EVI5L: variants seen among roughly 807,000 people sequenced by gnomAD.
The protein encoded by EVI5L is ecotropic viral integration site 5 like.
Under a neutral mutation model 106.1 loss-of-function variants are expected in EVI5L, and 30 were observed. The ratio of observed to expected loss-of-function variants is 0.28; its 90% CI spans 0.21 to 0.38. The LOEUF is 0.38. Ranked by LOEUF, EVI5L falls within the 10% of genes least tolerant of loss-of-function variation. The pLI, the probability that EVI5L is intolerant of heterozygous loss-of-function variation, is 1.00. For missense variants in EVI5L, 809 were observed against 1,098.0 expected (o/e 0.74, Z 3.72); for synonymous variants, 489 against 483.3 (o/e 1.01, Z -0.15).
In EVI5L at chr19:7,848,076, G is replaced by A. The variant is rs545076372; in HGVS notation, c.327+155G>A. 2.0e-5 allele frequency among the ~76,000 whole-genome samples: 3 copies of A among 152,338 alleles called. No homozygotes were observed. In the South Asian group the frequency reaches 6.2e-4, roughly 32 times the overall value. On this transcript the variant is annotated intron_variant, in intron 3 of 19. Transcript: ENST00000538904. This position sits in a 1 kb window ranked among gnomAD's most constrained non-coding sequence, Gnocchi z 4.8. Reference sequence around the variant, plus strand: ...GGCACTTTCAGGGTGTCCTGCCAGAGCACAGGGACAGGAGAGAGTGAGTCA... The same window carrying A: ...GGCACTTTCAGGGTGTCCTGCCAGAACACAGGGACAGGAGAGAGTGAGTCA...
chr19:7,851,520 C>G lies in EVI5L; in HGVS notation c.840C>G (p.Phe280Leu). 1 of 1,613,386 alleles carries G rather than the reference C, an allele frequency of 6.2e-7. No homozygotes were observed. The highest frequency in any genetic ancestry group is 8.5e-7 in the Non-Finnish European group (1 of 1,179,722). The stretch of plus-strand genomic sequence containing the variant: ...CCTCGTCCTGGTTCCTCACACTGTT[C>G]CTGACCACCTTCCCACTCCCCGTCG... Reference protein sequence around the residue: ...MYASSWFLTLFLTTFPLPVAT... With the variant: ...MYASSWFLTLLLTTFPLPVAT... Residue 280 changes from phenylalanine (F) to leucine (L), a missense_variant, in exon 7 of 20, where the codon TTC (phenylalanine) becomes TTG (leucine). Phe to Leu is a conservative substitution (Grantham distance 22, BLOSUM62 0). This residue lies in a region of EVI5L where 357 missense variants were observed against 588.1 expected (regional missense o/e 0.61). Coordinates refer to ENST00000538904, the MANE Select transcript of EVI5L (RefSeq NM_001159944.3).
intron 10 of EVI5L, among the ~76,000 whole-genome samples, chr19:7,855,695 C>T (rs1210392617): frequency 6.6e-6 from 1 of 152,218 alleles, no homozygotes; most frequent in African/African-American, 2.4e-5. Context: ...CAGACTGACC[C>T]ACGTGTGGGA....
intron 1 of EVI5L, among the ~76,000 whole-genome samples, chr19:7,839,673 C>T (rs1162078844): frequency 1.3e-5 from 2 of 152,014 alleles, no homozygotes; most frequent in South Asian, 2.1e-4. Flanking sequence ...CCTGTGATCC[C>T]AGCACTCTGG....
At position 7,832,103 on chromosome 19, in the gene EVI5L, C is replaced by T. The variant is rs979083129; in HGVS notation, c.-48+1722C>T. On this transcript the variant is annotated intron_variant, in intron 1 of 19. Coordinates refer to ENST00000538904, the MANE Select transcript of EVI5L (RefSeq NM_001159944.3). Reference sequence around the variant, plus strand: ...CTGTGTCTTTCCGTCTTTTGTGGCTCTTCCCATCCATCCCGCCGCCCTCCC... The same window carrying T: ...CTGTGTCTTTCCGTCTTTTGTGGCTTTTCCCATCCATCCCGCCGCCCTCCC... Among the ~76,000 whole-genome samples the T allele has an allele frequency of 3.9e-5, 6 of 152,196 alleles. No individual in the cohort carries two copies. The East Asian group carries it at 9.6e-4, about 24-fold the overall frequency.
chr19:7,853,118 C>T lies in EVI5L; in HGVS notation c.1020C>T (p.Asp340=), dbSNP rs150896280. 173 of 1,613,988 alleles carry T rather than the reference C, an allele frequency of 1.1e-4. No individual in the cohort carries two copies. In the African/African-American group the frequency reaches 2.1e-3, roughly 19 times the overall value. ...YFQRVIPHQF[D]SCPDKLVLKA... Reference sequence around the variant, plus strand: ...AGAGAGTGATCCCCCACCAGTTCGACAGCTGCCCGGACAAGCTGGTCCTCA... The same window carrying T: ...AGAGAGTGATCCCCCACCAGTTCGATAGCTGCCCGGACAAGCTGGTCCTCA... Residue 340 remains aspartate, a synonymous_variant, in exon 9 of 20, where the codon GAC becomes GAT. Coordinates refer to ENST00000538904, the MANE Select transcript of EVI5L (RefSeq NM_001159944.3).
intron 17 of EVI5L, 54 bp from the exon 18 acceptor site, chr19:7,862,918 G>T: frequency 7.7e-7 from 1 of 1,293,900 alleles, no homozygotes; most frequent in Non-Finnish European, 1.1e-6. Context: ...CCCGCCCCCT[G>T]ATGCGCCGCG....
Position 7,848,539 on chromosome 19 carries a change from A to G in EVI5L, c.328-382A>G, listed in dbSNP as rs1056190717. On this transcript the variant is annotated intron_variant, in intron 3 of 19. Coordinates refer to ENST00000538904, the MANE Select transcript of EVI5L (RefSeq NM_001159944.3). This position sits in a 1 kb window ranked among gnomAD's most constrained non-coding sequence, Gnocchi z 4.8. The stretch of plus-strand genomic sequence containing the variant: ...TTGAACCTGGGAGGCAAGAGGTAGC[A>G]GTGAGCCAAGATCACGCCACTGCAC... 5.9e-5 allele frequency among the ~76,000 whole-genome samples: 9 copies of G among 151,980 alleles called. No individual in the cohort carries two copies. Among genetic ancestry groups the G allele is most frequent in the African/African-American group, 2.2e-4 (9 of 41,342 alleles).
chr19:7,843,583 C>T (rs888442281), intron 1 of EVI5L, among the ~76,000 whole-genome samples: 2 of 121,330 alleles, frequency 1.6e-5, no homozygotes, highest in African/African-American at 6.3e-5. Flanking sequence ...TGAGAATAGG[C>T]ATGGGTGTGT....
rs1000305067 is a variant in EVI5L at position 7,863,154 on chromosome 19, C to CT, written c.2044-30dup. Reference sequence around the variant, plus strand: ...GCCGGACCCCAGGCCCAGCATGGCACTGGCCCCGCGTGACCTGGCGCACCC... The same window carrying CT: ...GCCGGACCCCAGGCCCAGCATGGCACTTGGCCCCGCGTGACCTGGCGCACCC... On this transcript the variant is annotated intron_variant, in intron 18 of 19. Coordinates refer to ENST00000538904, the MANE Select transcript of EVI5L (RefSeq NM_001159944.3). The surrounding 1 kb of genome is among the most constrained non-coding windows in gnomAD (Gnocchi z 7.7). 6.5e-7 allele frequency: 1 copy of CT among 1,546,680 alleles called. No individual in the cohort carries two copies. The highest frequency in any genetic ancestry group is 8.7e-7 in the Non-Finnish European group (1 of 1,145,684).
At chr19:7,854,365 G>A (rs1979426709) in intron 10 of EVI5L, among the ~76,000 whole-genome samples, 1 of 152,056 alleles carries the variant, frequency 6.6e-6, no homozygotes, top group African/African-American at 2.4e-5. Flanking sequence ...GAGACTGAGG[G>A]CGCACCAGTG....
chr19:7,833,141 G>A (rs1018837995), intron 1 of EVI5L, among the ~76,000 whole-genome samples: 8 of 152,202 alleles, frequency 5.3e-5, no homozygotes, highest in African/African-American at 1.9e-4. Flanking sequence ...TCGTGGAGCT[G>A]CATCTTTGTT....
At chr19:7,855,982 G>C in intron 10 of EVI5L, 33 bp from the exon 11 acceptor site, 8 of 1,321,218 alleles carry the variant, frequency 6.1e-6, no homozygotes, top group Non-Finnish European at 7.8e-6. Flanking sequence ...CGTGGGGGGC[G>C]GGCTATGACG....
Position 7,857,511 on chromosome 19 carries a change from C to T in EVI5L, c.1233+387C>T, listed in dbSNP as rs1979589480. On this transcript the variant is annotated intron_variant, in intron 12 of 19. Coordinates refer to ENST00000538904, the MANE Select transcript of EVI5L (RefSeq NM_001159944.3). This position sits in a 1 kb window ranked among gnomAD's most constrained non-coding sequence, Gnocchi z 4.5. The stretch of plus-strand genomic sequence containing the variant: ...ACACATGCACACACACACACGCACA[C>T]ACACGCCCGGCCCTCACGCTGCTGC... 2 of 359,360 alleles carry T rather than the reference C, an allele frequency of 5.6e-6. No individual in the cohort carries two copies. The highest frequency in any genetic ancestry group is 3.0e-5 in the South Asian group (1 of 32,842). The allele number at this position is 359,360 out of a possible 1,614,324, so 22.3% of individuals were successfully genotyped here.
chr19:7,856,833 C>A lies in EVI5L; in HGVS notation c.1201-259C>A. On this transcript the variant is annotated intron_variant, in intron 11 of 19. Coordinates refer to ENST00000538904, the MANE Select transcript of EVI5L (RefSeq NM_001159944.3). This position sits in a 1 kb window ranked among gnomAD's most constrained non-coding sequence, Gnocchi z 6.6. Reference sequence around the variant, plus strand: ...TGGGACAGTGGGTTTCCCAGCCCTGCGGCCTCCCCCACAGCCGCGGGCACC... The same window carrying A: ...TGGGACAGTGGGTTTCCCAGCCCTGAGGCCTCCCCCACAGCCGCGGGCACC... 1.5e-6 allele frequency: 1 copy of A among 666,560 alleles called. No individual in the cohort carries two copies. 41.3% of individuals were successfully genotyped at this position (666,560 alleles called of 1,614,324 possible). A position where few individuals can be genotyped will look rare whatever the true frequency, so the allele number is the denominator to read the frequency against.
chr19:7,863,904 C>A lies in EVI5L; in HGVS notation c.*202C>A. ...CAGGGCCCCGGGGCAGGCTCTCTAT[C>A]CCCAGCAGTGTTTACCCATCTTGGT... On this transcript the variant is annotated 3_prime_UTR_variant, in exon 20 of 20. Transcript: ENST00000538904. The surrounding 1 kb of genome is among the most constrained non-coding windows in gnomAD (Gnocchi z 7.7). The A allele has an allele frequency of 1.5e-6, 1 of 645,696 alleles. No homozygotes were observed. Among genetic ancestry groups the A allele is most frequent in the South Asian group, 2.4e-5 (1 of 42,050 alleles). The allele number at this position is 645,696 out of a possible 1,614,324, so 40.0% of individuals were successfully genotyped here.
intron 1 of EVI5L, among the ~76,000 whole-genome samples, chr19:7,842,699 AGT>A (rs897425314): frequency 1.1e-4 from 17 of 150,886 alleles, no homozygotes; most frequent in South Asian, 4.2e-4. Flanking sequence ...TTGTGTATCA[AGT>A]GTGTGGATGT....
intron 13 of EVI5L, 64 bp from the exon 14 acceptor site, chr19:7,860,497 G>T: frequency 2.1e-6 from 3 of 1,445,896 alleles, no homozygotes; most frequent in Non-Finnish European, 2.8e-6. Flanking sequence ...AAGCCAGCAG[G>T]CATGGAGGCT....
chr19:7,842,401 A>T (rs866192078), intron 1 of EVI5L, among the ~76,000 whole-genome samples: 779 of 72,988 alleles, frequency 0.011, 7 homozygotes, highest in African/African-American at 0.058. Flanking sequence ...TGAGAATGTG[A>T]GTGTGTGTGT....
chr19:7,854,865 C>T (rs1017435164), intron 10 of EVI5L, among the ~76,000 whole-genome samples: 9 of 152,224 alleles, frequency 5.9e-5, no homozygotes, highest in African/African-American at 2.2e-4. Flanking sequence ...GCGGTTCTGT[C>T]TGACTGCATT....
Sources: allele counts gnomAD v4.1 joint callset (sites outside exome capture counted in the v4.1 genomes callset), GRCh38; gene constraint gnomAD v4.1.1; regional missense constraint gnomAD v4.1.1; non-coding constraint Gnocchi (gnomAD v3.1); transcripts MANE v1.5; gene names NCBI Gene and HGNC (gene_info 2026-07-23, HGNC 2026-07-21).